Variants in EMP2 observed in about 807,000 individuals in gnomAD.
The protein encoded by EMP2 is epithelial membrane protein 2.
Under a neutral mutation model 13.7 loss-of-function variants are expected in EMP2, and 19 were observed. The observed-to-expected ratio is 1.38, with a 90% CI of 0.97 to 2.03. The LOEUF (loss-of-function observed/expected upper bound fraction) is 2.03, where lower values mean the gene tolerates loss of function less well. Among genes scored for constraint, EMP2 ranks in the 30% most tolerant of loss-of-function variants. EMP2 has a pLI of 0.00. For missense variants in EMP2, 253 were observed against 220.7 expected (o/e 1.15, Z -0.93); for synonymous variants, 97 against 84.7 (o/e 1.15, Z -0.80).
At chr16:10,540,947 G>T (rs528835608) in intron 3 of EMP2, among the ~76,000 whole-genome samples, 1 of 152,262 alleles carries the variant, frequency 6.6e-6, no homozygotes, top group South Asian at 2.1e-4. Context: ...AATTAGCCAG[G>T]TGTGGTGGCA....
chr16:10,552,694 A>C (rs2050797344), intron 1 of EMP2, among the ~76,000 whole-genome samples: 1 of 152,250 alleles, frequency 6.6e-6, no homozygotes, highest in African/African-American at 2.4e-5. Flanking sequence ...AGTATTTTAA[A>C]ACCAAGTTAT....
In EMP2 at chr16:10,531,318, G is replaced by A. The variant is rs10459782; in HGVS notation, c.*1587C>T. 0.11 allele frequency: 16,253 copies of A among 152,578 alleles called. 993 individuals carry two copies. The highest frequency in any genetic ancestry group is 0.3 in the South Asian group (1,420 of 4,804). The allele number at this position is 152,578 out of a possible 1,614,324, so 9.5% of individuals were successfully genotyped here. Reference sequence around the variant, plus strand: ...TTCTTTGCAGCCTCCATCACAGTGTGTAATTAGTTTCTTTTCTTTTTTTTC... The same window carrying A: ...TTCTTTGCAGCCTCCATCACAGTGTATAATTAGTTTCTTTTCTTTTTTTTC... On this transcript the variant is annotated 3_prime_UTR_variant, in exon 5 of 5. Coordinates refer to ENST00000359543, the MANE Select transcript of EMP2 (RefSeq NM_001424.6).
intron 1 of EMP2, among the ~76,000 whole-genome samples, chr16:10,557,304 C>T (rs947968293): frequency 6.6e-6 from 1 of 151,186 alleles, no homozygotes; most frequent in South Asian, 2.1e-4. Context: ...TTGCATTGAG[C>T]CGAGATCCCA....
rs916150009 is a variant in EMP2, at chr16:10,579,969, T to A, written c.-61+580A>T. 1.2e-4 allele frequency among the ~76,000 whole-genome samples: 18 copies of A among 152,104 alleles called. 1 individual carries two copies. Among genetic ancestry groups the A allele is most frequent in the Non-Finnish European group, 2.1e-4 (14 of 67,998 alleles). Reference sequence around the variant, plus strand: ...ACACATGGGTGCGGTCTCGCCTCTTTAAAGCCCCCCAAGCCCTTCTAGAGT... The same window carrying A: ...ACACATGGGTGCGGTCTCGCCTCTTAAAAGCCCCCCAAGCCCTTCTAGAGT... On this transcript the variant is annotated intron_variant, in intron 1 of 4. Coordinates refer to ENST00000359543, the MANE Select transcript of EMP2 (RefSeq NM_001424.6).
intron 1 of EMP2, among the ~76,000 whole-genome samples, chr16:10,562,426 TG>T (rs1223057072): frequency 1.3e-5 from 2 of 150,736 alleles, no homozygotes; most frequent in Admixed American, 1.3e-4. Context: ...CCAGTAACTG[TG>T]TGAACAAGCC....
rs567970935 is a variant in EMP2, at chr16:10,580,340, G to T, written c.-61+209C>A. Reference sequence around the variant, plus strand: ...AGGCGTGGGAAGCTGTCCCGGGATGGCGAAGTGGAATTCTGGGGCCGGAGC... The same window carrying T: ...AGGCGTGGGAAGCTGTCCCGGGATGTCGAAGTGGAATTCTGGGGCCGGAGC... On this transcript the variant is annotated intron_variant, in intron 1 of 4. Coordinates refer to ENST00000359543, the MANE Select transcript of EMP2 (RefSeq NM_001424.6). This position sits in a 1 kb window ranked among gnomAD's most constrained non-coding sequence, Gnocchi z 4.3. Among the ~76,000 whole-genome samples, 54 of 152,354 alleles carry T rather than the reference G, an allele frequency of 3.5e-4. No homozygotes were observed. The highest frequency in any genetic ancestry group is 1.3e-3 in the Admixed American group (20 of 15,314).
intron 1 of EMP2, among the ~76,000 whole-genome samples, chr16:10,575,278 G>T: frequency 5.3e-5 from 3 of 56,574 alleles, no homozygotes; most frequent in East Asian, 1.6e-3. Flanking sequence ...TTTTGAGACA[G>T]AGTCTCGCTC....
At chr16:10,552,452 G>T (rs2050795428) in intron 1 of EMP2, among the ~76,000 whole-genome samples, 1 of 152,170 alleles carries the variant, frequency 6.6e-6, no homozygotes, top group East Asian at 1.9e-4. Flanking sequence ...TGAACCACAT[G>T]GTGAAAAAGT....
chr16:10,567,732 C>T (rs1453416135), intron 1 of EMP2, among the ~76,000 whole-genome samples: 4 of 152,166 alleles, frequency 2.6e-5, no homozygotes, highest in Admixed American at 1.3e-4. Context: ...CCGTAACACC[C>T]TCATACAGCA....
intron 1 of EMP2, among the ~76,000 whole-genome samples, chr16:10,558,570 T>C (rs1462620727): frequency 6.6e-6 from 1 of 152,080 alleles, no homozygotes; most frequent in Admixed American, 6.6e-5. Flanking sequence ...TGGCCCTCCC[T>C]CTTCCAGAAG....
At chr16:10,568,687 G>T (rs1172380185) in intron 1 of EMP2, among the ~76,000 whole-genome samples, 1 of 152,030 alleles carries the variant, frequency 6.6e-6, no homozygotes, top group Non-Finnish European at 1.5e-5. Context: ...CAAGAGGACG[G>T]TCGGATTAAA....
In EMP2 at chr16:10,543,605, T is replaced by C; in HGVS notation, c.134A>G (p.Asn45Ser). 5.0e-6 allele frequency: 8 copies of C among 1,614,270 alleles called. No homozygotes were observed. The highest frequency in any genetic ancestry group is 6.8e-6 in the Non-Finnish European group (8 of 1,180,038). ...GTCATTGATGACTGTGCAATTCGTG[T>C]TGTTGGTACATATTCTCCAGACATC... The part of the protein sequence containing the change: ...FADVWRICTN[N>S]TNCTVINDSF... The change falls in exon 3 of 5, where the codon AAC becomes AGC. Residue 45 changes from asparagine (N) to serine (S), a missense_variant. Coordinates refer to ENST00000359543, the MANE Select transcript of EMP2 (RefSeq NM_001424.6).
intron 2 of EMP2, chr16:10,545,073 C>A (rs931226250): frequency 1.3e-5 from 2 of 152,140 alleles, no homozygotes; most frequent in African/African-American, 4.8e-5. Flanking sequence ...CTCAGACTCA[C>A]CGATGGACAA....
intron 1 of EMP2, among the ~76,000 whole-genome samples, chr16:10,552,869 G>A (rs1432731016): frequency 6.6e-6 from 1 of 152,150 alleles, no homozygotes; most frequent in Non-Finnish European, 1.5e-5. Context: ...CAGACATCAG[G>A]AACAAGCTTC....
At chr16:10,552,330 AAAT>A (rs1460203066) in intron 1 of EMP2, among the ~76,000 whole-genome samples, 3 of 152,164 alleles carry the variant, frequency 2.0e-5, no homozygotes, top group Non-Finnish European at 4.4e-5. Context: ...ACTTTCTAGA[AAAT>A]AATAATTAAA....
chr16:10,569,932 C>T (rs1467165686), intron 1 of EMP2, among the ~76,000 whole-genome samples: 1 of 152,176 alleles, frequency 6.6e-6, no homozygotes, highest in Non-Finnish European at 1.5e-5. Flanking sequence ...GGAGAGGGAG[C>T]AGCCGCCCTG....
rs2050584262 is a variant in EMP2, at chr16:10,529,928, T to G, written c.*2977A>C. 1.0e-5 allele frequency: 1 copy of G among 95,870 alleles called. No homozygotes were observed. Among genetic ancestry groups the G allele is most frequent in the African/African-American group, 5.6e-5 (1 of 17,998 alleles). The allele number at this position is 95,870 out of a possible 1,614,324, so 5.9% of individuals were successfully genotyped here. ...CCTGGGCAACAAGAGCAAAACTCAG[T>G]CTCAAAAAAAAAAAAAAAAAAGAAA... is the stretch of plus-strand genomic sequence containing the variant. On this transcript the variant is annotated 3_prime_UTR_variant, in exon 5 of 5. Transcript: ENST00000359543.
chr16:10,529,279 G>C lies in EMP2; in HGVS notation c.*3626C>G, dbSNP rs1025084754. On this transcript the variant is annotated 3_prime_UTR_variant, in exon 5 of 5. Coordinates refer to ENST00000359543, the MANE Select transcript of EMP2 (RefSeq NM_001424.6). Reference sequence around the variant, plus strand: ...GTCTACTAATTTTGTTGTTGTTATTGTTCTTGAATAACTGGTAATAAGCAC... The same window carrying C: ...GTCTACTAATTTTGTTGTTGTTATTCTTCTTGAATAACTGGTAATAAGCAC... 2.6e-5 allele frequency: 4 copies of C among 152,164 alleles called. No homozygotes were observed. The highest frequency in any genetic ancestry group is 7.2e-5 in the African/African-American group (3 of 41,444). 9.4% of individuals were successfully genotyped at this position (152,164 alleles called of 1,614,324 possible).
At chr16:10,579,338 A>G (rs530327265) in intron 1 of EMP2, among the ~76,000 whole-genome samples, 1 of 152,306 alleles carries the variant, frequency 6.6e-6, no homozygotes, top group East Asian at 1.9e-4. Flanking sequence ...TGGAGTGCAG[A>G]GGTGGCTAAA....
Sources: gnomAD v4.1 joint callset for allele counts (sites outside exome capture counted in the v4.1 genomes callset) on GRCh38, gnomAD v4.1.1 for gene constraint, Gnocchi (gnomAD v3.1) non-coding constraint, MANE v1.5 for transcripts, NCBI Gene and HGNC (gene_info 2026-07-23, HGNC 2026-07-21) for gene names.